RBFOX1: variants seen among roughly 807,000 people sequenced by gnomAD.
RBFOX1 encodes RNA binding fox-1 homolog 1.
RBFOX1 carries 8 observed loss-of-function variants against 57.7 expected under a neutral mutation model. That is an observed-to-expected ratio of 0.14 (90% CI 0.08 to 0.25). The LOEUF is 0.25. RBFOX1 is among the 10% of genes least tolerant of loss of function. The pLI is 1.00. For synonymous variants in RBFOX1, 326 were observed against 222.4 expected, an observed-to-expected ratio of 1.47 and a Z score of -4.15; for missense variants, 611 against 548.5, an observed-to-expected ratio of 1.11 and a Z score of -1.14.
intron 2 of RBFOX1, among the ~76,000 whole-genome samples, chr16:5,533,790 G>T (rs140306826): frequency 2.1e-4 from 32 of 152,278 alleles, no homozygotes; most frequent in African/African-American, 7.7e-4. Context: ...GTGTGATGTG[G>T]TCTGTACTGT....
chr16:6,593,557 G>C (rs202209913), intron 2 of RBFOX1, among the ~76,000 whole-genome samples: 1 of 152,012 alleles, frequency 6.6e-6, no homozygotes, highest in East Asian at 1.9e-4. Flanking sequence ...GCTTTGCTTT[G>C]GTCCTATTTG....
rs998230253 is a variant in RBFOX1 at position 5,505,930 on chromosome 16, C to G, written c.258+38676C>G. Among the ~76,000 whole-genome samples the G allele has an allele frequency of 4.6e-5, 7 of 152,250 alleles. No homozygotes were observed. In the South Asian group the frequency reaches 8.3e-4, roughly 18 times the overall value. On this transcript the variant is annotated intron_variant, in intron 2 of 2. Coordinates refer to the RBFOX1 transcript ENST00000585867. ...TCACCCTTCCATCCCTGCTCAAAAT[C>G]TCTCTGCTATAGACTTTTTCTCACC...
Position 6,877,645 on chromosome 16 carries a change from C to T in RBFOX1, c.-15-174412C>T, listed in dbSNP as rs114359489. 5.8e-3 allele frequency among the ~76,000 whole-genome samples: 889 copies of T among 152,206 alleles called. 15 individuals are homozygous for T. The highest frequency in any genetic ancestry group is 0.02 in the African/African-American group (836 of 41,520). ...CTTTAGAGTTCACAAAGCATTTTTA[C>T]GGACAAGCCCATACTGAGAATCAGA... On this transcript the variant is annotated intron_variant, in intron 3 of 15. Coordinates refer to ENST00000550418, the MANE Select transcript of RBFOX1 (RefSeq NM_018723.4).
intron 3 of RBFOX1, among the ~76,000 whole-genome samples, chr16:6,741,536 G>A (rs191807138): frequency 2.0e-5 from 3 of 152,006 alleles, no homozygotes; most frequent in Admixed American, 1.3e-4. Context: ...AACTTTGGTG[G>A]TGCGCACCTG....
intron 2 of RBFOX1, among the ~76,000 whole-genome samples, chr16:6,357,613 C>G (rs568093501): frequency 7.4e-6 from 1 of 135,422 alleles, no homozygotes; most frequent in African/African-American, 2.5e-5. Context: ...CCCGCTTGTG[C>G]TCTCTCTCTC....
In RBFOX1 at chr16:6,347,120, A is replaced by G. The variant is rs75116123; in HGVS notation, c.-64+30063A>G. 6.7e-4 allele frequency among the ~76,000 whole-genome samples: 102 copies of G among 152,306 alleles called. 1 individual carries two copies. In the East Asian group the frequency reaches 0.017, roughly 25 times the overall value. On this transcript the variant is annotated intron_variant, in intron 2 of 15. Coordinates refer to ENST00000550418, the MANE Select transcript of RBFOX1 (RefSeq NM_018723.4). ...AGTGGCCATTTGATGCTTTCTCTTCAAGAGTAAGTGGGTCTCTGAAGAAGT... is the reference window on the plus strand; with the variant it reads ...AGTGGCCATTTGATGCTTTCTCTTCGAGAGTAAGTGGGTCTCTGAAGAAGT...
At position 7,653,921 on chromosome 16, in the gene RBFOX1, C is replaced by T. The variant is rs1348390342; in HGVS notation, c.864C>T (p.Pro288=). 8 of 1,563,200 alleles carry T rather than the reference C, an allele frequency of 5.1e-6. No homozygotes were observed. The highest frequency in any genetic ancestry group is 1.4e-5 in the African/African-American group (1 of 73,570). ...TVYNTFRAAA[P]PPPIPAYGGV... ...ACAACACCTTCAGGGCCGCGGCGCCCCCGCCCCCGATCCCGGCCTACGGCG... is the reference window on the plus strand; with the variant it reads ...ACAACACCTTCAGGGCCGCGGCGCCTCCGCCCCCGATCCCGGCCTACGGCG... The change falls in exon 12 of 16, where the codon CCC becomes CCT. Residue 288 remains proline (P), a synonymous_variant. Coordinates refer to ENST00000550418, the MANE Select transcript of RBFOX1 (RefSeq NM_018723.4).
At chr16:5,529,549 A>G (rs1481076107) in intron 2 of RBFOX1, among the ~76,000 whole-genome samples, 2 of 148,534 alleles carry the variant, frequency 1.3e-5, no homozygotes, top group Non-Finnish European at 3.0e-5. Flanking sequence ...GGCGTGCACC[A>G]CCATGCTTGG....
intron 4 of RBFOX1, among the ~76,000 whole-genome samples, chr16:7,200,480 G>A (rs117800961): frequency 1.7e-3 from 254 of 152,328 alleles, no homozygotes; most frequent in Non-Finnish European, 2.9e-3. Context: ...AGACACTGCA[G>A]TAGGCACTAA....
chr16:6,072,256 C>G (rs1382947084), intron 1 of RBFOX1, among the ~76,000 whole-genome samples: 1 of 152,192 alleles, frequency 6.6e-6, no homozygotes, highest in Non-Finnish European at 1.5e-5. Flanking sequence ...TTACCTCCCA[C>G]TGCGTCCCTC....
chr16:7,367,356 C>T (rs1422780415), intron 4 of RBFOX1, among the ~76,000 whole-genome samples: 1 of 152,196 alleles, frequency 6.6e-6, no homozygotes, highest in African/African-American at 2.4e-5. Context: ...TGCACAGAAT[C>T]AGGTGTAAAT....
rs537530796 is a variant in RBFOX1, at chr16:6,267,561, C to T, written c.-126-49434C>T. On this transcript the variant is annotated intron_variant, in intron 1 of 15. Transcript: ENST00000550418. ...CTTTCTTTAGCAGAGAAGCTAGAGT[C>T]TTATCTGACAGATTTCTTTTTTTAC... is the stretch of plus-strand genomic sequence containing the variant. Among the ~76,000 whole-genome samples the T allele has an allele frequency of 2.0e-5, 3 of 152,294 alleles. No individual in the cohort carries two copies. In the South Asian group the frequency reaches 6.2e-4, roughly 32 times the overall value.
At chr16:7,049,370 T>C (rs1369905178) in intron 3 of RBFOX1, among the ~76,000 whole-genome samples, 2 of 152,156 alleles carry the variant, frequency 1.3e-5, no homozygotes, top group Middle Eastern at 6.3e-3. Context: ...GCCACCCCTG[T>C]TGCCACTGTT....
At chr16:7,109,133 T>G (rs574759879) in intron 4 of RBFOX1, among the ~76,000 whole-genome samples, 1 of 152,270 alleles carries the variant, frequency 6.6e-6, no homozygotes, top group Admixed American at 6.5e-5. Flanking sequence ...TTTAAATATT[T>G]CCAAGGTGAA....
At chr16:7,042,289 G>T (rs556048515) in intron 3 of RBFOX1, among the ~76,000 whole-genome samples, 59 of 152,308 alleles carry the variant, frequency 3.9e-4, no homozygotes, top group African/African-American at 1.3e-3. Flanking sequence ...GGGGAGGAGG[G>T]CTAACAGTGT....
At chr16:7,558,384 G>A (rs186042014) in intron 5 of RBFOX1, among the ~76,000 whole-genome samples, 166 of 151,380 alleles carry the variant, frequency 1.1e-3, no homozygotes, top group African/African-American at 3.9e-3. Context: ...ATATACACGC[G>A]CACACACTCA....
intron 4 of RBFOX1, among the ~76,000 whole-genome samples, chr16:5,938,934 T>A (rs2152261817): frequency 6.6e-6 from 1 of 152,306 alleles, no homozygotes; most frequent in South Asian, 2.1e-4. Context: ...TGAGTTTATG[T>A]CCTTTGTAGG....
intron 1 of RBFOX1, among the ~76,000 whole-genome samples, chr16:6,277,458 C>CAAAAAAAAAAAAAAAAAAA (rs59733415): frequency 3.7e-5 from 3 of 80,826 alleles, no homozygotes; most frequent in African/African-American, 1.4e-4. Context: ...GTCTGTCTCC[C>CAAAAAAAAAAAAAAAAAAA]AAAAAAAAAA....
intron 4 of RBFOX1, among the ~76,000 whole-genome samples, chr16:7,066,442 G>C (rs1032292868): frequency 6.6e-6 from 1 of 152,174 alleles, no homozygotes; most frequent in African/African-American, 2.4e-5. Context: ...CTAGCATTGA[G>C]GCCCAACCTT....
Sources: allele counts gnomAD v4.1 joint callset (sites outside exome capture counted in the v4.1 genomes callset), GRCh38; gene constraint gnomAD v4.1.1; transcripts MANE v1.5; gene names NCBI Gene and HGNC (gene_info 2026-07-23, HGNC 2026-07-21).